Variants in CYP26C1 observed in about 807,000 individuals in gnomAD.
CYP26C1 encodes the protein cytochrome P450 family 26 subfamily C member 1.
Under a neutral mutation model 39.1 loss-of-function variants are expected in CYP26C1, and 41 were observed. The observed-to-expected ratio is 1.05, with a 90% CI of 0.82 to 1.36. The LOEUF (loss-of-function observed/expected upper bound fraction) is 1.36, where lower values mean the gene tolerates loss of function less well. Ranked by LOEUF, CYP26C1 falls within the 40% of genes most tolerant of loss-of-function variation. The pLI is 0.00. For synonymous variants in CYP26C1, 362 were observed against 350.8 expected (o/e 1.03, Z -0.36); for missense variants, 833 against 752.0 (o/e 1.11, Z -1.26).
At position 93,068,905 on chromosome 10, in the gene CYP26C1, C is replaced by G. The variant is rs1348919912; in HGVS notation, c.*208C>G. 1 of 869,560 alleles carries G rather than the reference C, an allele frequency of 1.2e-6. No homozygotes were observed. The highest frequency in any genetic ancestry group is 3.9e-5 in the Admixed American group (1 of 25,358). The allele number at this position is 869,560 out of a possible 1,614,324, so 53.9% of individuals were successfully genotyped here. Reference sequence around the variant, plus strand: ...CTGCCGCGCCAGAGAAGCATCTAAGCCCATGGGAAGATGCCTTCTGCGCTC... The same window carrying G: ...CTGCCGCGCCAGAGAAGCATCTAAGGCCATGGGAAGATGCCTTCTGCGCTC... On this transcript the variant is annotated 3_prime_UTR_variant, in exon 6 of 6. Transcript: ENST00000651965.
In CYP26C1 at chr10:93,068,959, G is replaced by A. The variant is rs1201290779; in HGVS notation, c.*262G>A. 2 of 507,796 alleles carry A rather than the reference G, an allele frequency of 3.9e-6. No homozygotes were observed. Among genetic ancestry groups the A allele is most frequent in the East Asian group, 7.4e-5 (2 of 27,080 alleles). 31.5% of individuals were successfully genotyped at this position (507,796 alleles called of 1,614,324 possible). A position where few individuals can be genotyped will look rare whatever the true frequency, so the allele number is the denominator to read the frequency against. Reference sequence around the variant, plus strand: ...GCCCAGAGGAAGGAAAATGTCGTGGGCCAAGCAGGAATGGAGGGAATAGAT... The same window carrying A: ...GCCCAGAGGAAGGAAAATGTCGTGGACCAAGCAGGAATGGAGGGAATAGAT... On this transcript the variant is annotated 3_prime_UTR_variant, in exon 6 of 6. Coordinates refer to ENST00000651965, the MANE Select transcript of CYP26C1 (RefSeq NM_183374.3).
At position 93,066,830 on chromosome 10, in the gene CYP26C1, T is replaced by C. The variant is rs1041781435; in HGVS notation, c.1191+545T>C. Reference sequence around the variant, plus strand: ...TCAGGCCGGTTTGGGCTGAGCAAGGTTGAGGTCTAGAACTGACTCCATCTC... The same window carrying C: ...TCAGGCCGGTTTGGGCTGAGCAAGGCTGAGGTCTAGAACTGACTCCATCTC... On this transcript the variant is annotated intron_variant, in intron 5 of 5. Coordinates refer to ENST00000651965, the MANE Select transcript of CYP26C1 (RefSeq NM_183374.3). Among the ~76,000 whole-genome samples the C allele has an allele frequency of 3.3e-5, 5 of 152,270 alleles. No homozygotes were observed. In the South Asian group the frequency reaches 1.0e-3, roughly 32 times the overall value.
In CYP26C1 at chr10:93,068,496, G is replaced by T. The variant is rs1392849240; in HGVS notation, c.1368G>T (p.Ala456=). 3.7e-6 allele frequency: 6 copies of T among 1,607,604 alleles called. No homozygotes were observed. Among genetic ancestry groups the T allele is most frequent in the Non-Finnish European group, 5.1e-6 (6 of 1,177,776 alleles). Residue 456 remains alanine, a synonymous_variant, in exon 6 of 6, where the codon GCG becomes GCT. Transcript: ENST00000651965. ...RFHYIPFGGG[A]RSCLGQELAQ... ...ATTACATCCCGTTCGGCGGCGGTGC[G>T]CGCAGCTGCCTCGGCCAGGAGCTGG...
intron 1 of CYP26C1, among the ~76,000 whole-genome samples, chr10:93,061,776 C>A (rs1846752274): frequency 6.6e-6 from 1 of 152,222 alleles, no homozygotes; most frequent in Admixed American, 6.5e-5. Context: ...CTTGGCCCAG[C>A]TGTGAGCCCT....
intron 2 of CYP26C1, among the ~76,000 whole-genome samples, chr10:93,062,519 C>G (rs1384375496): frequency 1.3e-5 from 2 of 152,180 alleles, no homozygotes; most frequent in African/African-American, 4.8e-5. Context: ...GAGGAGATGG[C>G]AGCTGGAGCC....
chr10:93,065,851 C>A, intron 4 of CYP26C1, 105 bp from the exon 5 acceptor site: 3 of 1,144,262 alleles, frequency 2.6e-6, no homozygotes, highest in Non-Finnish European at 3.4e-6. Flanking sequence ...CCTGGCTTTT[C>A]GCAATAGTAA....
In CYP26C1 at chr10:93,061,098, T is replaced by G; in HGVS notation, c.-166T>G. On this transcript the variant is annotated 5_prime_UTR_variant, in exon 1 of 6. Coordinates refer to ENST00000651965, the MANE Select transcript of CYP26C1 (RefSeq NM_183374.3). The stretch of plus-strand genomic sequence containing the variant: ...ACTGCAGTCTTTCACCGTCCGTCTG[T>G]TTTTAGAACAGAGTTCTGGCCTGAG... The G allele has an allele frequency of 4.3e-6, 3 of 701,936 alleles. No homozygotes were observed. The highest frequency in any genetic ancestry group is 2.9e-5 in the East Asian group (1 of 34,402). 43.5% of individuals were successfully genotyped at this position (701,936 alleles called of 1,614,324 possible).
In CYP26C1 at chr10:93,062,818, C is replaced by A; in HGVS notation, c.528C>A (p.Gly176=). ...AGGTGCGCTCCTGGTGCGCGGCGGGCGGGCCGGTCTCAGTCTACGACGCCT... is the reference window on the plus strand; with the variant it reads ...AGGTGCGCTCCTGGTGCGCGGCGGGAGGGCCGGTCTCAGTCTACGACGCCT... ...RHEVRSWCAA[G]GPVSVYDASK... Residue 176 remains glycine (G), a synonymous_variant, in exon 3 of 6, where the codon GGC becomes GGA. Coordinates refer to ENST00000651965, the MANE Select transcript of CYP26C1 (RefSeq NM_183374.3). 1 of 1,562,130 alleles carries A rather than the reference C, an allele frequency of 6.4e-7. No homozygotes were observed. The highest frequency in any genetic ancestry group is 1.8e-5 in the Admixed American group (1 of 54,298).
chr10:93,067,670 C>T lies in CYP26C1; in HGVS notation c.1192-650C>T, dbSNP rs114564793. On this transcript the variant is annotated intron_variant, in intron 5 of 5. Coordinates refer to ENST00000651965, the MANE Select transcript of CYP26C1 (RefSeq NM_183374.3). Reference sequence around the variant, plus strand: ...GCAGTGTAGTCAGGGGGTTGGAAGACGTATCAAAAAGCCAAATGGTTGAAA... The same window carrying T: ...GCAGTGTAGTCAGGGGGTTGGAAGATGTATCAAAAAGCCAAATGGTTGAAA... Among the ~76,000 whole-genome samples the T allele has an allele frequency of 2.7e-3, 415 of 152,142 alleles. 4 individuals are homozygous for T. Among genetic ancestry groups the T allele is most frequent in the African/African-American group, 9.6e-3 (397 of 41,508 alleles).
At position 93,068,853 on chromosome 10, in the gene CYP26C1, T is replaced by C. The variant is rs2134417025; in HGVS notation, c.*156T>C. 7.7e-7 allele frequency: 1 copy of C among 1,303,320 alleles called. No individual in the cohort carries two copies. Among genetic ancestry groups the C allele is most frequent in the Non-Finnish European group, 1.0e-6 (1 of 1,000,422 alleles). The allele number at this position is 1,303,320 out of a possible 1,614,324, so 80.7% of individuals were successfully genotyped here. A position where few individuals can be genotyped will look rare whatever the true frequency, so the allele number is the denominator to read the frequency against. ...CGCCAAACGCGGATGTGTGCCGGAC[T>C]CGAGGAAGGAGGAGGGCGAGCCACC... On this transcript the variant is annotated 3_prime_UTR_variant, in exon 6 of 6. Coordinates refer to ENST00000651965, the MANE Select transcript of CYP26C1 (RefSeq NM_183374.3).
At chr10:93,063,365 CG>C in intron 3 of CYP26C1, 1 of 1,036,270 alleles carries the variant, frequency 9.6e-7, no homozygotes, top group Non-Finnish European at 1.2e-6. Context: ...ATCACCTCTT[CG>C]GAAGCCCAGA....
chr10:93,068,241 A>C, intron 5 of CYP26C1, 79 bp from the exon 6 acceptor site: 1 of 1,434,824 alleles, frequency 7.0e-7, no homozygotes, highest in East Asian at 2.6e-5. Context: ...TGATGGAAGC[A>C]CCAGGGTGGA....
Position 93,068,508 on chromosome 10 carries a change from C to T in CYP26C1, c.1380C>T (p.Leu460=). Residue 460 remains leucine (L), a synonymous_variant, in exon 6 of 6, where the codon CTC becomes CTT. Coordinates refer to ENST00000651965, the MANE Select transcript of CYP26C1 (RefSeq NM_183374.3). ...IPFGGGARSC[L]GQELAQAVLQ... is the part of the protein sequence containing the mutation. ...TCGGCGGCGGTGCGCGCAGCTGCCT[C>T]GGCCAGGAGCTGGCGCAAGCCGTGC... 1.9e-6 allele frequency: 3 copies of T among 1,605,470 alleles called. No homozygotes were observed. Among genetic ancestry groups the T allele is most frequent in the South Asian group, 1.1e-5 (1 of 90,190 alleles).
At chr10:93,064,352 C>T in intron 3 of CYP26C1, 29 bp from the exon 4 acceptor site, 1 of 1,601,524 alleles carries the variant, frequency 6.2e-7, no homozygotes, top group Non-Finnish European at 8.5e-7. Flanking sequence ...GCCTTCCTGC[C>T]CCATCTTTCT....
chr10:93,061,071 T>TC lies in CYP26C1; in HGVS notation c.-192dup, dbSNP rs1846739334. ...AGGCACGTTCCCTAAGGGCGCACGG[T>TC]CACTGCAGTCTTTCACCGTCCGTCT... On this transcript the variant is annotated 5_prime_UTR_variant, in exon 1 of 6. Coordinates refer to ENST00000651965, the MANE Select transcript of CYP26C1 (RefSeq NM_183374.3). The TC allele has an allele frequency of 5.0e-6, 3 of 596,096 alleles. No individual in the cohort carries two copies. Among genetic ancestry groups the TC allele is most frequent in the Non-Finnish European group, 5.7e-6 (2 of 350,308 alleles). The allele number at this position is 596,096 out of a possible 1,614,324, so 36.9% of individuals were successfully genotyped here. A position where few individuals can be genotyped will look rare whatever the true frequency, so the allele number is the denominator to read the frequency against.
rs1243778536 is a variant in CYP26C1 at position 93,063,534 on chromosome 10, T to C, written c.705+539T>C. 7.1e-6 allele frequency: 7 copies of C among 985,682 alleles called. No individual in the cohort carries two copies. In the African/African-American group the frequency reaches 1.2e-4, roughly 17 times the overall value. 61.1% of individuals were successfully genotyped at this position (985,682 alleles called of 1,614,324 possible). On this transcript the variant is annotated intron_variant, in intron 3 of 5. Transcript: ENST00000651965. The stretch of plus-strand genomic sequence containing the variant: ...GCTGCTTCTCCAGACTTCAGAACAA[T>C]GGGCAGGACCCGGAGAGCAGCTAGG...
Position 93,060,963 on chromosome 10 carries a change from C to G in CYP26C1, c.-301C>G. The G allele has an allele frequency of 2.4e-6, 1 of 422,624 alleles. No homozygotes were observed. 26.2% of individuals were successfully genotyped at this position (422,624 alleles called of 1,614,324 possible). A position where few individuals can be genotyped will look rare whatever the true frequency, so the allele number is the denominator to read the frequency against. ...CCCGCGGAGCCGGGAGTGAGCGTTC[C>G]CGAGGCAGCAGGCACCTTCGAGAGG... On this transcript the variant is annotated 5_prime_UTR_variant, in exon 1 of 6. Transcript: ENST00000651965.
Position 93,062,932 on chromosome 10 carries a change from C to G in CYP26C1, c.642C>G (p.Phe214Leu), listed in dbSNP as rs1329828328. The G allele has an allele frequency of 6.2e-7, 1 of 1,604,540 alleles. No individual in the cohort carries two copies. The highest frequency in any genetic ancestry group is 1.7e-4 in the Middle Eastern group (1 of 5,998). The change falls in exon 3 of 6, where the codon TTC becomes TTG. Residue 214 changes from phenylalanine (F) to leucine (L), a missense_variant. By Grantham distance (22) the Phe-to-Leu change is conservative (BLOSUM62 0). Coordinates refer to ENST00000651965, the MANE Select transcript of CYP26C1 (RefSeq NM_183374.3). ...EAQCATLART[F>L]EQLVENLFSL... ...AGTGCGCCACGCTGGCCCGGACCTT[C>G]GAGCAGCTCGTGGAGAACCTCTTCT...
intron 3 of CYP26C1, chr10:93,063,858 G>A (rs969833982): frequency 1.9e-5 from 19 of 985,806 alleles, no homozygotes; most frequent in South Asian, 4.7e-5. Flanking sequence ...TGCTTTCCCC[G>A]GGGGAATGCT....
Sources: allele counts gnomAD v4.1 joint callset (sites outside exome capture counted in the v4.1 genomes callset), GRCh38; gene constraint gnomAD v4.1.1; transcripts MANE v1.5; gene names NCBI Gene and HGNC (gene_info 2026-07-23, HGNC 2026-07-21).